CACNA1C: variants seen among roughly 807,000 people sequenced by gnomAD.
CACNA1C encodes voltage-dependent L-type calcium channel subunit alpha-1C.
In CACNA1C, 30 loss-of-function variants were observed where a neutral mutation model predicts 229.0. That is an observed-to-expected ratio of 0.13 (90% CI 0.10 to 0.18). The LOEUF (loss-of-function observed/expected upper bound fraction) is 0.18, where lower values mean the gene tolerates loss of function less well. CACNA1C is among the 10% of genes least tolerant of loss of function. The probability of loss-of-function intolerance (pLI) is 1.00; values close to 1 mark genes in which losing one functional copy is unlikely to be tolerated. For synonymous variants in CACNA1C, 1,114 were observed against 1,132.5 expected, an observed-to-expected ratio of 0.98 and a Z score of 0.33; for missense variants, 1,658 against 2,845.0, an observed-to-expected ratio of 0.58 and a Z score of 9.49.
chr12:2,159,560 A>G (rs971946723), intron 3 of CACNA1C, among the ~76,000 whole-genome samples: 2 of 151,576 alleles, frequency 1.3e-5, no homozygotes, highest in Middle Eastern at 3.2e-3. Flanking sequence ...AAAAATGAAT[A>G]GCTGATTATT....
At chr12:2,327,297 G>A (rs1194278364) in intron 3 of CACNA1C, among the ~76,000 whole-genome samples, 1 of 152,236 alleles carries the variant, frequency 6.6e-6, no homozygotes, top group Non-Finnish European at 1.5e-5. Context: ...GGTAACTGCT[G>A]TACGTATACT....
intron 3 of CACNA1C, among the ~76,000 whole-genome samples, chr12:2,441,529 A>G (rs2099226290): frequency 6.6e-6 from 1 of 152,248 alleles, no homozygotes; most frequent in Admixed American, 6.5e-5. Flanking sequence ...GGAGCTCTTT[A>G]TTCCGTCCCA....
intron 13 of CACNA1C, among the ~76,000 whole-genome samples, chr12:2,572,611 C>T (rs2056248108): frequency 7.8e-6 from 1 of 127,862 alleles, no homozygotes; most frequent in Middle Eastern, 5.6e-3. Context: ...TCCTCCTTCT[C>T]CTCTTCCTCC....
In CACNA1C at chr12:2,115,887, C is replaced by T. The variant is rs143600382; in HGVS notation, c.371+342C>T. Among the ~76,000 whole-genome samples the T allele has an allele frequency of 1.5e-3, 230 of 152,356 alleles. 5 individuals are homozygous for T. The highest frequency in any genetic ancestry group is 5.0e-3 in the African/African-American group (208 of 41,576). ...ATCATCTCCTGTAGCTGAGCTTGCC[C>T]AGGGGCCCACTCATGTGTTGGGGTA... On this transcript the variant is annotated intron_variant, in intron 2 of 46. Transcript: ENST00000399655.
chr12:2,617,530 G>A (rs1415920786), intron 29 of CACNA1C, among the ~76,000 whole-genome samples: 6 of 152,218 alleles, frequency 3.9e-5, no homozygotes, highest in Non-Finnish European at 7.3e-5. Flanking sequence ...AGCCGTCCTC[G>A]TATCCAGTGT....
intron 6 of CACNA1C, among the ~76,000 whole-genome samples, chr12:2,489,819 A>T (rs776902921): frequency 6.6e-6 from 1 of 152,336 alleles, no homozygotes; most frequent in Non-Finnish European, 1.5e-5. Context: ...CTTAATTTGG[A>T]CTTTCCAGAA....
Position 2,689,005 on chromosome 12 carries a change from C to T in CACNA1C, c.6117+226C>T, listed in dbSNP as rs2097672019. ...AGGCTGGGCCCACTGCAGAGGGCGG[C>T]AGAAACCACTGAGCAACTTATCCCT... is the stretch of plus-strand genomic sequence containing the variant. On this transcript the variant is annotated intron_variant, in intron 46 of 46. Transcript: ENST00000399655. The surrounding 1 kb of genome is among the most constrained non-coding windows in gnomAD (Gnocchi z 4.2). Among the ~76,000 whole-genome samples, 1 of 152,172 alleles carries T rather than the reference C, an allele frequency of 6.6e-6. No individual in the cohort carries two copies. The highest frequency in any genetic ancestry group is 2.4e-5 in the African/African-American group (1 of 41,448).
chr12:2,364,586 T>TAA (rs1431409703), intron 3 of CACNA1C, among the ~76,000 whole-genome samples: 1 of 152,220 alleles, frequency 6.6e-6, no homozygotes, highest in East Asian at 1.9e-4. Context: ...TTCACTCGGC[T>TAA]AAAAGCAGAA....
intron 1 of CACNA1C, among the ~76,000 whole-genome samples, chr12:2,043,945 G>C (rs2050637646): frequency 6.6e-6 from 1 of 152,032 alleles, no homozygotes; most frequent in Non-Finnish European, 1.5e-5. Flanking sequence ...GTGAGCCACC[G>C]CGCCCGGCCA....
chr12:2,187,719 C>T (rs1241003014), intron 3 of CACNA1C, among the ~76,000 whole-genome samples: 7 of 152,182 alleles, frequency 4.6e-5, no homozygotes, highest in South Asian at 2.1e-4. Context: ...ACAGGGGCGG[C>T]GATTGGTTTG....
At chr12:2,390,706 G>C (rs1458476080) in intron 3 of CACNA1C, among the ~76,000 whole-genome samples, 1 of 152,162 alleles carries the variant, frequency 6.6e-6, no homozygotes, top group South Asian at 2.1e-4. Flanking sequence ...GAGAGGGAAT[G>C]TGTGCCAAGA....
At chr12:2,099,469 G>A (rs886763388) in intron 1 of CACNA1C, among the ~76,000 whole-genome samples, 12 of 152,054 alleles carry the variant, frequency 7.9e-5, no homozygotes, top group African/African-American at 2.7e-4. Context: ...CTGGGGATGA[G>A]GAGGAAGTGG....
intron 1 of CACNA1C, among the ~76,000 whole-genome samples, chr12:2,103,094 A>G (rs1411216468): frequency 2.0e-5 from 3 of 152,258 alleles, no homozygotes; most frequent in Non-Finnish European, 2.9e-5. Flanking sequence ...CTTTGGCTAT[A>G]TACCCAGTAA....
At chr12:2,392,966 G>GTTGGAC (rs2098511296) in intron 3 of CACNA1C, among the ~76,000 whole-genome samples, 1 of 152,126 alleles carries the variant, frequency 6.6e-6, no homozygotes, top group Non-Finnish European at 1.5e-5. Context: ...TCCTTACCTT[G>GTTGGAC]TGTAGACTGT....
rs191182028 is a variant in CACNA1C, at chr12:2,406,912, C to T, written c.478-42064C>T. 9.8e-5 allele frequency among the ~76,000 whole-genome samples: 15 copies of T among 152,362 alleles called. 2 individuals carry two copies. The highest frequency in any genetic ancestry group is 9.1e-4 in the Admixed American group (14 of 15,304). ...GAAGCCTTCCCTTACAGCTGCTTTCCTTTGCCACTGACCCAGCAGGGAGGA... is the reference window on the plus strand; with the variant it reads ...GAAGCCTTCCCTTACAGCTGCTTTCTTTTGCCACTGACCCAGCAGGGAGGA... On this transcript the variant is annotated intron_variant, in intron 3 of 46. Coordinates refer to ENST00000399655, the MANE Select transcript of CACNA1C (RefSeq NM_000719.7).
intron 3 of CACNA1C, among the ~76,000 whole-genome samples, chr12:2,234,660 G>A (rs1303452671): frequency 6.6e-6 from 1 of 151,720 alleles, no homozygotes; most frequent in East Asian, 1.9e-4. Context: ...AAAATTTTCT[G>A]TGTGTGTGTG....
chr12:2,597,404 A>G lies in CACNA1C; in HGVS notation c.2853+115A>G, dbSNP rs758265534. Reference sequence around the variant, plus strand: ...TCCTGTTGGTGTGGGGTTCACTCTCAGAGCCACTAATCCAATTATGCTTAT... The same window carrying G: ...TCCTGTTGGTGTGGGGTTCACTCTCGGAGCCACTAATCCAATTATGCTTAT... On this transcript the variant is annotated intron_variant, in intron 21 of 46. Coordinates refer to ENST00000399655, the MANE Select transcript of CACNA1C (RefSeq NM_000719.7). This position sits in a 1 kb window ranked among gnomAD's most constrained non-coding sequence, Gnocchi z 4.3. The G allele has an allele frequency of 6.0e-5, 95 of 1,571,316 alleles. No homozygotes were observed. In the East Asian group the frequency reaches 2.1e-3, roughly 35 times the overall value.
chr12:2,126,903 G>T (rs2090314997), intron 3 of CACNA1C, among the ~76,000 whole-genome samples: 1 of 152,162 alleles, frequency 6.6e-6, no homozygotes. Flanking sequence ...CTGGTCCCTG[G>T]GGGTAAGTCA....
intron 3 of CACNA1C, among the ~76,000 whole-genome samples, chr12:2,140,263 C>T (rs1290884764): frequency 6.6e-6 from 1 of 151,444 alleles, no homozygotes; most frequent in Non-Finnish European, 1.5e-5. Flanking sequence ...GTCGGAGACC[C>T]TCCAGCAAGA....
Sources: gnomAD v4.1 joint callset for allele counts (sites outside exome capture counted in the v4.1 genomes callset) on GRCh38, gnomAD v4.1.1 for gene constraint, Gnocchi (gnomAD v3.1) non-coding constraint, MANE v1.5 for transcripts, NCBI Gene and HGNC (gene_info 2026-07-23, HGNC 2026-07-21) for gene names.